The following PCDH11X variants were observed in gnomAD, a reference collection of about 807,000 sequenced individuals.
PCDH11X encodes protocadherin 11 X-linked.
A neutral mutation model predicts 53.3 loss-of-function variants in PCDH11X; 18 were observed. The ratio of observed to expected loss-of-function variants is 0.34; its 90% CI spans 0.23 to 0.50. The LOEUF is 0.50. Ranked by LOEUF, PCDH11X falls within the 20% of genes least tolerant of loss-of-function variation. The pLI, the probability that PCDH11X is intolerant of heterozygous loss-of-function variation, is 0.98. For missense variants in PCDH11X, 570 were observed against 1,032.4 expected (o/e 0.55, Z 6.14); for synonymous variants, 279 against 393.3 (o/e 0.71, Z 3.44).
chrX:91,965,664 T>C (rs1027068500), intron 6 of PCDH11X, among the ~76,000 whole-genome samples: 4 of 110,857 alleles, frequency 3.6e-5, no homozygotes, highest in Non-Finnish European at 5.6e-5. Context: ...TCCATTGATG[T>C]TTCTTTATAT....
intron 5 of PCDH11X, among the ~76,000 whole-genome samples, chrX:91,844,279 AT>A (rs1937580169): frequency 9.1e-6 from 1 of 110,080 alleles, no homozygotes; most frequent in Admixed American, 9.7e-5. Flanking sequence ...CTGGCTCTAC[AT>A]TTTTTTCTGG....
intron 6 of PCDH11X, among the ~76,000 whole-genome samples, chrX:91,936,282 G>A (rs1049421266): frequency 1.8e-5 from 2 of 109,694 alleles, no homozygotes; most frequent in Admixed American, 2.0e-4. Flanking sequence ...TTTATCCTTA[G>A]TACCCCTCAA....
intron 6 of PCDH11X, among the ~76,000 whole-genome samples, chrX:92,082,815 C>G: frequency 8.9e-6 from 1 of 111,827 alleles, no homozygotes; most frequent in South Asian, 3.7e-4. Flanking sequence ...ATTTTCACAA[C>G]AAGTGGCTTC....
intron 10 of PCDH11X, among the ~76,000 whole-genome samples, chrX:92,545,334 G>A (rs1172966159): frequency 9.3e-6 from 1 of 107,517 alleles, no homozygotes; most frequent in African/African-American, 3.4e-5. Flanking sequence ...TATCAAATAA[G>A]GAGAGTGGTT....
intron 9 of PCDH11X, among the ~76,000 whole-genome samples, chrX:92,405,687 A>G (rs979291229): frequency 1.1e-4 from 12 of 105,044 alleles, no homozygotes; most frequent in African/African-American, 4.2e-4. Flanking sequence ...ACATGTGTAT[A>G]CATGGTAAAA....
chrX:91,851,490 T>C (rs1257121412), intron 5 of PCDH11X, among the ~76,000 whole-genome samples: 1 of 111,925 alleles, frequency 8.9e-6, no homozygotes, highest in Non-Finnish European at 1.9e-5. Flanking sequence ...TATGAGTACA[T>C]AGTAGGTGTA....
At chrX:92,213,324 G>A (rs2066625776) in intron 7 of PCDH11X, among the ~76,000 whole-genome samples, 1 of 111,403 alleles carries the variant, frequency 9.0e-6, no homozygotes, top group South Asian at 3.8e-4. Flanking sequence ...ATTATATTAA[G>A]TGCTCTAAAG....
chrX:92,451,657 A>T (rs1436420077), intron 9 of PCDH11X, among the ~76,000 whole-genome samples: 1 of 111,966 alleles, frequency 8.9e-6, no homozygotes, highest in East Asian at 2.8e-4. Context: ...AATGTAACAT[A>T]AAAAAGACTT....
At chrX:92,471,721 C>G (rs1289835861) in intron 10 of PCDH11X, among the ~76,000 whole-genome samples, 1 of 103,979 alleles carries the variant, frequency 9.6e-6, no homozygotes, top group Admixed American at 1.0e-4. Flanking sequence ...AATTTACGCT[C>G]TCACCACCGG....
chrX:92,184,555 AG>A (rs2066057293), intron 6 of PCDH11X, among the ~76,000 whole-genome samples: 1 of 111,848 alleles, frequency 8.9e-6, no homozygotes, highest in Non-Finnish European at 1.9e-5. Flanking sequence ...ATAAAGCTGG[AG>A]GTATTAGATG....
chrX:92,492,468 A>G (rs2073782810), intron 10 of PCDH11X, among the ~76,000 whole-genome samples: 1 of 112,300 alleles, frequency 8.9e-6, no homozygotes, highest in Non-Finnish European at 1.9e-5. Context: ...TTCTATGCAC[A>G]TTTTTTATGT....
At chrX:92,196,244 T>C (rs1423839311) in intron 6 of PCDH11X, among the ~76,000 whole-genome samples, 1 of 112,065 alleles carries the variant, frequency 8.9e-6, no homozygotes, top group African/African-American at 3.2e-5. Flanking sequence ...CAAATATAGA[T>C]ACATTTTAAA....
At chrX:91,842,655 T>C (rs1314933547) in intron 5 of PCDH11X, among the ~76,000 whole-genome samples, 1 of 108,705 alleles carries the variant, frequency 9.2e-6, no homozygotes, top group African/African-American at 3.4e-5. Flanking sequence ...GAAGAGTATT[T>C]AGTGGTAGCA....
intron 10 of PCDH11X, among the ~76,000 whole-genome samples, chrX:92,552,753 A>C (rs2148752337): frequency 9.0e-6 from 1 of 111,033 alleles, no homozygotes; most frequent in South Asian, 3.8e-4. Flanking sequence ...AAGGAATGCT[A>C]AATTTTTTCA....
At chrX:91,886,500 A>G (rs1398508251) in intron 6 of PCDH11X, among the ~76,000 whole-genome samples, 2 of 111,163 alleles carry the variant, frequency 1.8e-5, no homozygotes, top group Non-Finnish European at 1.9e-5. Context: ...TTTTATTTTA[A>G]TTATGCAAGT....
intron 6 of PCDH11X, among the ~76,000 whole-genome samples, chrX:92,011,483 G>C (rs774752874): frequency 8.9e-6 from 1 of 112,332 alleles, no homozygotes; most frequent in Non-Finnish European, 1.9e-5. Context: ...TGTAAAATGT[G>C]TTTCAATTTT....
intron 8 of PCDH11X, among the ~76,000 whole-genome samples, chrX:92,270,298 G>A (rs1050169164): frequency 9.2e-6 from 1 of 109,038 alleles, no homozygotes. Context: ...TTGTGTGTGT[G>A]TTTTTAGTAG....
intron 6 of PCDH11X, among the ~76,000 whole-genome samples, chrX:92,056,075 A>G (rs945717444): frequency 9.0e-6 from 1 of 110,633 alleles, no homozygotes; most frequent in African/African-American, 3.3e-5. Flanking sequence ...TCTGTGTCGA[A>G]TGGTATTTCT....
intron 8 of PCDH11X, among the ~76,000 whole-genome samples, chrX:92,276,100 C>A (rs1415612950): frequency 3.6e-5 from 4 of 109,606 alleles, no homozygotes; most frequent in Non-Finnish European, 3.8e-5. Flanking sequence ...AGTATTGTCT[C>A]AGTTGGCACC....
Sources: allele counts gnomAD v4.1 joint callset (sites outside exome capture counted in the v4.1 genomes callset), GRCh38; gene constraint gnomAD v4.1.1; transcripts MANE v1.5; gene names NCBI Gene and HGNC (gene_info 2026-07-23, HGNC 2026-07-21).